Variants in PRKAG2 observed in about 807,000 individuals in gnomAD.
The protein encoded by PRKAG2 is protein kinase AMP-activated non-catalytic subunit gamma 2.
PRKAG2 carries 26 observed loss-of-function variants against 69.6 expected under a neutral mutation model. That is an observed-to-expected ratio of 0.37 (90% confidence interval 0.27 to 0.52). PRKAG2 has a LOEUF of 0.52. PRKAG2 is among the 20% of genes least tolerant of loss of function. PRKAG2 has a pLI of 0.90. For synonymous variants in PRKAG2, 293 were observed against 285.0 expected (o/e 1.03, Z -0.28); for missense variants, 557 against 740.0 (o/e 0.75, Z 2.87).
At position 151,849,566 on chromosome 7, in the gene PRKAG2, G is replaced by C. The variant is rs2079521988; in HGVS notation, c.114+26941C>G. Among the ~76,000 whole-genome samples, 2 of 152,202 alleles carry C rather than the reference G, an allele frequency of 1.3e-5. 1 individual carries two copies. Reference sequence around the variant, plus strand: ...AGAACAACAGAAACGGATTCTCTCAGAGTTCTGCAGGCCTGAAGTCCAAGA... The same window carrying C: ...AGAACAACAGAAACGGATTCTCTCACAGTTCTGCAGGCCTGAAGTCCAAGA... On this transcript the variant is annotated intron_variant, in intron 1 of 15. Coordinates refer to ENST00000287878, the MANE Select transcript of PRKAG2 (RefSeq NM_016203.4).
chr7:151,581,371 T>A (rs1032895357), intron 6 of PRKAG2, among the ~76,000 whole-genome samples: 1 of 152,168 alleles, frequency 6.6e-6, no homozygotes, highest in African/African-American at 2.4e-5. Context: ...AGTCCTAGGA[T>A]CCTATCAAGG....
intron 3 of PRKAG2, among the ~76,000 whole-genome samples, chr7:151,709,096 G>A (rs2151597158): frequency 6.6e-6 from 1 of 152,028 alleles, no homozygotes; most frequent in East Asian, 1.9e-4. Flanking sequence ...ACGTGATATT[G>A]AGTGATATGA....
chr7:151,745,436 A>C (rs1013084625), intron 3 of PRKAG2, among the ~76,000 whole-genome samples: 2 of 152,170 alleles, frequency 1.3e-5, no homozygotes, highest in Admixed American at 6.5e-5. Context: ...GGAGGTGTTT[A>C]TGAGCTGGCA....
chr7:151,753,786 C>T (rs1272291879), intron 3 of PRKAG2, among the ~76,000 whole-genome samples: 3 of 151,956 alleles, frequency 2.0e-5, no homozygotes, highest in Non-Finnish European at 4.4e-5. Context: ...ATGATCCCAG[C>T]ACTTTGGGAG....
chr7:151,877,008 A>G lies in PRKAG2; in HGVS notation c.-388T>C, dbSNP rs964096685. On this transcript the variant is annotated 5_prime_UTR_variant, in exon 1 of 16. Coordinates refer to ENST00000287878, the MANE Select transcript of PRKAG2 (RefSeq NM_016203.4). ...CAGAGGTAATCTGAAAGGCAGGTGCAATTAAAACCAGCAATTTGGAAAACA... is the reference window on the plus strand; with the variant it reads ...CAGAGGTAATCTGAAAGGCAGGTGCGATTAAAACCAGCAATTTGGAAAACA... 3.0e-6 allele frequency: 1 copy of G among 331,626 alleles called. No individual in the cohort carries two copies. Among genetic ancestry groups the G allele is most frequent in the Non-Finnish European group, 5.8e-6 (1 of 171,948 alleles). 20.5% of individuals were successfully genotyped at this position (331,626 alleles called of 1,614,324 possible). A position where few individuals can be genotyped will look rare whatever the true frequency, so the allele number is the denominator to read the frequency against.
chr7:151,765,268 G>A (rs1013673348), intron 3 of PRKAG2, among the ~76,000 whole-genome samples: 2 of 152,180 alleles, frequency 1.3e-5, no homozygotes, highest in Admixed American at 6.5e-5. Context: ...AAGCAGGCAC[G>A]TCTTACATGG....
chr7:151,857,285 C>T (rs1463589782), intron 1 of PRKAG2, among the ~76,000 whole-genome samples: 1 of 151,802 alleles, frequency 6.6e-6, no homozygotes, highest in Non-Finnish European at 1.5e-5. Context: ...GCTCCCAGCT[C>T]CCAGATCACT....
intron 3 of PRKAG2, among the ~76,000 whole-genome samples, chr7:151,760,166 G>A (rs1417703260): frequency 6.6e-6 from 1 of 152,220 alleles, no homozygotes; most frequent in Non-Finnish European, 1.5e-5. Flanking sequence ...CCAGACCTGA[G>A]CAGCTGGGTC....
chr7:151,557,362 G>A (rs1803968633), intron 15 of PRKAG2, 130 bp from the exon 16 acceptor site: 5 of 1,600,024 alleles, frequency 3.1e-6, no homozygotes, highest in Non-Finnish European at 4.3e-6. Context: ...AGGGCGATGT[G>A]GGAAGGAGCA....
At chr7:151,775,998 C>T (rs1348231942) in intron 3 of PRKAG2, among the ~76,000 whole-genome samples, 2 of 152,212 alleles carry the variant, frequency 1.3e-5, no homozygotes, top group African/African-American at 4.8e-5. Context: ...TCATGCCAGG[C>T]ACAAATGAAC....
chr7:151,600,484 A>G (rs543413390), intron 5 of PRKAG2, among the ~76,000 whole-genome samples: 1 of 152,106 alleles, frequency 6.6e-6, no homozygotes, highest in Non-Finnish European at 1.5e-5. Context: ...TCTCAAGTCT[A>G]TTTTCATTCT....
chr7:151,718,272 G>T (rs923868140), intron 3 of PRKAG2, among the ~76,000 whole-genome samples: 7 of 134,228 alleles, frequency 5.2e-5, no homozygotes, highest in Admixed American at 7.3e-5. Flanking sequence ...CCATGGTGGT[G>T]GGTGGAGGGG....
chr7:151,871,133 C>T (rs918626832), intron 1 of PRKAG2, among the ~76,000 whole-genome samples: 1 of 152,194 alleles, frequency 6.6e-6, no homozygotes, highest in Non-Finnish European at 1.5e-5. Context: ...TGGCAGCCAG[C>T]CTTGATTAAA....
chr7:151,691,589 G>A (rs1166495780), intron 3 of PRKAG2, among the ~76,000 whole-genome samples: 2 of 151,858 alleles, frequency 1.3e-5, no homozygotes, highest in East Asian at 3.9e-4. Context: ...AATCTTTAGG[G>A]CTATATACAT....
chr7:151,678,779 C>A (rs1206289441), intron 3 of PRKAG2, among the ~76,000 whole-genome samples: 10 of 152,118 alleles, frequency 6.6e-5, no homozygotes, highest in African/African-American at 2.2e-4. Context: ...GCCAACATGG[C>A]AAAACCCCAT....
chr7:151,566,014 G>T, intron 11 of PRKAG2, 129 bp from the exon 12 acceptor site: 1 of 1,021,096 alleles, frequency 9.8e-7, no homozygotes, highest in Non-Finnish European at 1.5e-6. Context: ...CTACCTGGAT[G>T]CCTGAATTAA....
intron 15 of PRKAG2, chr7:151,558,075 G>A (rs1361802966): frequency 4.1e-6 from 4 of 985,186 alleles, no homozygotes; most frequent in African/African-American, 1.7e-5. Flanking sequence ...CTATTAGAGC[G>A]TGTGGCTGAA....
At chr7:151,870,030 G>C (rs559452043) in intron 1 of PRKAG2, among the ~76,000 whole-genome samples, 1 of 152,218 alleles carries the variant, frequency 6.6e-6, no homozygotes, top group East Asian at 1.9e-4. Context: ...TCTTTATTTG[G>C]AAGCCAAATG....
At chr7:151,860,568 A>T (rs185811578) in intron 1 of PRKAG2, among the ~76,000 whole-genome samples, 67 of 151,830 alleles carry the variant, frequency 4.4e-4, no homozygotes, top group African/African-American at 1.6e-3. Flanking sequence ...CCCCCAGCTC[A>T]CCCACCCCAC....
Sources: allele counts gnomAD v4.1 joint callset (sites outside exome capture counted in the v4.1 genomes callset), GRCh38; gene constraint gnomAD v4.1.1; transcripts MANE v1.5; gene names NCBI Gene and HGNC (gene_info 2026-07-23, HGNC 2026-07-21).